The following NEGR1 variants were observed in gnomAD, a reference collection of about 807,000 sequenced individuals.
NEGR1 encodes IgLON family member 4.
A neutral mutation model predicts 40.9 loss-of-function variants in NEGR1; 10 were observed. The observed-to-expected ratio is 0.24, with a 90% CI of 0.15 to 0.42. The LOEUF (loss-of-function observed/expected upper bound fraction) is 0.42. Among genes scored for constraint, NEGR1 ranks in the 10% least tolerant of loss-of-function variants. The pLI is 1.00. For missense variants in NEGR1, 352 were observed against 438.9 expected (o/e 0.80, Z 1.77); for synonymous variants, 185 against 166.8 (o/e 1.11, Z -0.84).
At chr1:71,597,470 CTCTGTG>C (rs1354010857) in intron 5 of NEGR1, among the ~76,000 whole-genome samples, 7 of 24,794 alleles carry the variant, frequency 2.8e-4, no homozygotes, top group Admixed American at 5.5e-4. Context: ...CTCTCTCTCT[CTCTGTG>C]TGTGTGTGTG....
At chr1:71,673,407 T>C (rs1652501676) in intron 4 of NEGR1, among the ~76,000 whole-genome samples, 1 of 151,906 alleles carries the variant, frequency 6.6e-6, no homozygotes, top group Non-Finnish European at 1.5e-5. Context: ...TTAATTCCTT[T>C]TTCATGTCTG....
At chr1:71,526,133 T>A (rs1647213381) in intron 6 of NEGR1, among the ~76,000 whole-genome samples, 1 of 151,590 alleles carries the variant, frequency 6.6e-6, no homozygotes, top group African/African-American at 2.4e-5. Context: ...TACTTTTATC[T>A]GGAAATTAAT....
chr1:71,792,611 T>C (rs1184615123), intron 2 of NEGR1, among the ~76,000 whole-genome samples: 1 of 152,056 alleles, frequency 6.6e-6, no homozygotes, highest in Non-Finnish European at 1.5e-5. Context: ...TATTGAAAAA[T>C]AAAATGTACC....
chr1:72,256,179 G>T (rs1023534704), intron 1 of NEGR1, among the ~76,000 whole-genome samples: 6 of 152,200 alleles, frequency 3.9e-5, no homozygotes, highest in African/African-American at 1.4e-4. Context: ...TGACAACTGA[G>T]CATGCATTGC....
rs1201624871 is a variant in NEGR1, at chr1:71,554,271, T to C, written c.940+38546A>G. On this transcript the variant is annotated intron_variant, in intron 6 of 6. Transcript: ENST00000357731. ...CAAGTGTAAATCAGACAGGTGTCAATCAAGTGCTAATCATAGATAATATTA... is the reference window on the plus strand; with the variant it reads ...CAAGTGTAAATCAGACAGGTGTCAACCAAGTGCTAATCATAGATAATATTA... 3.3e-5 allele frequency among the ~76,000 whole-genome samples: 5 copies of C among 151,576 alleles called. No individual in the cohort carries two copies. The East Asian group carries it at 9.8e-4, about 30-fold the overall frequency.
intron 1 of NEGR1, among the ~76,000 whole-genome samples, chr1:71,979,469 G>C (rs1339624884): frequency 6.6e-6 from 1 of 152,176 alleles, no homozygotes; most frequent in African/African-American, 2.4e-5. Flanking sequence ...ATTGTGGTGA[G>C]AAGGAAATCA....
intron 2 of NEGR1, among the ~76,000 whole-genome samples, chr1:71,868,355 A>T (rs1421275880): frequency 3.3e-5 from 5 of 152,128 alleles, no homozygotes; most frequent in Non-Finnish European, 7.4e-5. Flanking sequence ...CTTCTAACAC[A>T]AGGGAAATCA....
chr1:72,111,011 G>A (rs1278202486), intron 1 of NEGR1, among the ~76,000 whole-genome samples: 1 of 150,850 alleles, frequency 6.6e-6, no homozygotes, highest in Non-Finnish European at 1.5e-5. Flanking sequence ...CCTGGCTTTA[G>A]TTTTGTCTTA....
At chr1:72,266,724 AACACACACACAC>A (rs3082237) in intron 1 of NEGR1, among the ~76,000 whole-genome samples, 16 of 133,726 alleles carry the variant, frequency 1.2e-4, no homozygotes, top group East Asian at 8.7e-4. Flanking sequence ...TAGACAGATA[AACACACACACAC>A]ACACACACAC....
At chr1:72,079,919 C>T (rs936987269) in intron 1 of NEGR1, among the ~76,000 whole-genome samples, 3 of 151,986 alleles carry the variant, frequency 2.0e-5, no homozygotes, top group African/African-American at 4.8e-5. Context: ...ACATTTTAGA[C>T]GGCTTAACAG....
chr1:71,542,183 A>G (rs1644598672), intron 6 of NEGR1, among the ~76,000 whole-genome samples: 4 of 151,762 alleles, frequency 2.6e-5, no homozygotes, highest in Admixed American at 6.6e-5. Context: ...ATGAAAAATA[A>G]GTCCAAGGTG....
At chr1:71,681,798 A>C (rs1350176873) in intron 4 of NEGR1, among the ~76,000 whole-genome samples, 2 of 151,976 alleles carry the variant, frequency 1.3e-5, no homozygotes, top group African/African-American at 4.8e-5. Context: ...TTCTTCCTTA[A>C]ATTCTGTCTC....
chr1:71,943,340 T>C (rs1645989614), intron 1 of NEGR1, among the ~76,000 whole-genome samples: 1 of 150,700 alleles, frequency 6.6e-6, no homozygotes, highest in African/African-American at 2.4e-5. Flanking sequence ...GAGCCATTTA[T>C]ATATATACAT....
intron 1 of NEGR1, among the ~76,000 whole-genome samples, chr1:72,163,152 T>G (rs547339796): frequency 1.3e-5 from 2 of 152,278 alleles, no homozygotes; most frequent in African/African-American, 2.4e-5. Flanking sequence ...GTGCAGTTAT[T>G]TAACAGTATT....
intron 2 of NEGR1, among the ~76,000 whole-genome samples, chr1:71,831,814 A>T (rs1658851093): frequency 6.6e-6 from 1 of 151,916 alleles, no homozygotes; most frequent in African/African-American, 2.4e-5. Context: ...AGAAAAAAAA[A>T]AAACGCAATG....
chr1:71,774,474 A>G (rs1403739565), intron 3 of NEGR1, among the ~76,000 whole-genome samples: 1 of 152,178 alleles, frequency 6.6e-6, no homozygotes, highest in Non-Finnish European at 1.5e-5. Context: ...TTTCTCACAT[A>G]ATACCAATAC....
intron 1 of NEGR1, among the ~76,000 whole-genome samples, chr1:71,985,134 T>C (rs895351104): frequency 9.2e-5 from 14 of 152,136 alleles, no homozygotes; most frequent in African/African-American, 3.4e-4. Flanking sequence ...ACTACATTAA[T>C]CTCTGTGAGC....
chr1:71,398,167 A>G lies in NEGR1; in HGVS notation c.*9279T>C, dbSNP rs1406780491. 1.3e-5 allele frequency: 2 copies of G among 152,272 alleles called. No homozygotes were observed. Among genetic ancestry groups the G allele is most frequent in the Non-Finnish European group, 2.9e-5 (2 of 68,068 alleles). The allele number at this position is 152,272 out of a possible 1,614,324, so 9.4% of individuals were successfully genotyped here. On this transcript the variant is annotated 3_prime_UTR_variant, in exon 7 of 7. Coordinates refer to ENST00000357731, the MANE Select transcript of NEGR1 (RefSeq NM_173808.3). ...CTCTGCTAGGGCAGTGCAGAAGGAA[A>G]ATGTGGAGTGAGCCCCACACAGAGT... is the stretch of plus-strand genomic sequence containing the variant.
At chr1:71,769,969 T>A (rs1187883426) in intron 3 of NEGR1, among the ~76,000 whole-genome samples, 1 of 152,204 alleles carries the variant, frequency 6.6e-6, no homozygotes, top group East Asian at 1.9e-4. Context: ...AACAATTTTT[T>A]CTAAGATGTT....
Sources: allele counts gnomAD v4.1 joint callset (sites outside exome capture counted in the v4.1 genomes callset), GRCh38; gene constraint gnomAD v4.1.1; transcripts MANE v1.5; gene names NCBI Gene and HGNC (gene_info 2026-07-23, HGNC 2026-07-21).